The following ZBTB38 variants were observed in gnomAD, a reference collection of about 807,000 sequenced individuals.
The protein encoded by ZBTB38 is zinc finger and BTB domain containing 38.
In ZBTB38, 20 loss-of-function variants were observed where a neutral mutation model predicts 76.8. The ratio of observed to expected loss-of-function variants is 0.26; its 90% CI spans 0.18 to 0.38. The LOEUF (loss-of-function observed/expected upper bound fraction) is 0.38, where lower values mean the gene tolerates loss of function less well. ZBTB38 is among the 10% of genes least tolerant of loss of function. The pLI, the probability that ZBTB38 is intolerant of heterozygous loss-of-function variation, is 1.00. For missense variants in ZBTB38, 1,082 were observed against 1,482.3 expected (o/e 0.73, Z 4.43); for synonymous variants, 504 against 544.2 (o/e 0.93, Z 1.03).
chr3:141,399,051 TTC>T (rs1343518112), intron 4 of ZBTB38, among the ~76,000 whole-genome samples: 1 of 152,242 alleles, frequency 6.6e-6, no homozygotes, highest in African/African-American at 2.4e-5. Flanking sequence ...CTTGGTGCTG[TTC>T]TGTGTGTTTC....
chr3:141,364,338 G>T (rs953952365), upstream of ZBTB38, among the ~76,000 whole-genome samples: 1 of 151,582 alleles, frequency 6.6e-6, no homozygotes, highest in African/African-American at 2.4e-5. Flanking sequence ...TATCTGATAA[G>T]GGACTTGTGT....
intron 5 of ZBTB38, among the ~76,000 whole-genome samples, chr3:141,432,618 A>G (rs762339804): frequency 6.6e-6 from 1 of 152,224 alleles, no homozygotes; most frequent in African/African-American, 2.4e-5. Flanking sequence ...TAATAGGTGC[A>G]TTAGTTAACA....
chr3:141,414,969 C>T (rs374434752), intron 5 of ZBTB38, among the ~76,000 whole-genome samples: 47 of 152,174 alleles, frequency 3.1e-4, no homozygotes, highest in African/African-American at 1.0e-3. Flanking sequence ...CTTTCTTTCT[C>T]GGTGCTGAGT....
intron 1 of ZBTB38, among the ~76,000 whole-genome samples, chr3:141,346,154 A>G (rs538955220): frequency 6.6e-6 from 1 of 152,240 alleles, no homozygotes. Context: ...GGCTCACCTC[A>G]GAGAGTCTCC....
At chr3:141,384,102 C>T (rs1482473645) in intron 3 of ZBTB38, among the ~76,000 whole-genome samples, 1 of 152,222 alleles carries the variant, frequency 6.6e-6, no homozygotes, top group African/African-American at 2.4e-5. Context: ...TTAACCCGAG[C>T]AGGTCTGGTA....
chr3:141,423,807 TAAATG>T (rs916641040), intron 5 of ZBTB38, among the ~76,000 whole-genome samples: 12 of 152,192 alleles, frequency 7.9e-5, no homozygotes, highest in African/African-American at 2.9e-4. Context: ...AACTGAGACT[TAAATG>T]AAAAAGATTC....
At chr3:141,388,004 T>C (rs1947622456) in intron 4 of ZBTB38, 1 of 152,212 alleles carries the variant, frequency 6.6e-6, no homozygotes, top group Non-Finnish European at 1.5e-5. Flanking sequence ...CTGTAATCTT[T>C]TGGGGGAGGG....
intron 4 of ZBTB38, among the ~76,000 whole-genome samples, chr3:141,391,065 T>C (rs1451751381): frequency 6.6e-6 from 1 of 151,926 alleles, no homozygotes; most frequent in Non-Finnish European, 1.5e-5. Context: ...GAGGCTGAGG[T>C]AGGAGTATTA....
intron 5 of ZBTB38, among the ~76,000 whole-genome samples, chr3:141,436,682 G>A (rs1330156927): frequency 2.6e-5 from 4 of 152,076 alleles, no homozygotes; most frequent in African/African-American, 9.7e-5. Context: ...ATTTTTAATA[G>A]AGATAGAGTT....
At chr3:141,434,623 T>C (rs2078332960) in intron 5 of ZBTB38, among the ~76,000 whole-genome samples, 2 of 152,188 alleles carry the variant, frequency 1.3e-5, no homozygotes, top group African/African-American at 2.4e-5. Context: ...TATGTGTTTT[T>C]ATTATATAAG....
rs1420335019 is a variant in ZBTB38, at chr3:141,447,900, A to G, written c.*1924A>G. 1.3e-5 allele frequency: 2 copies of G among 152,670 alleles called. No homozygotes were observed. Among genetic ancestry groups the G allele is most frequent in the Non-Finnish European group, 2.9e-5 (2 of 68,040 alleles). 9.5% of individuals were successfully genotyped at this position (152,670 alleles called of 1,614,324 possible). A position where few individuals can be genotyped will look rare whatever the true frequency, so the allele number is the denominator to read the frequency against. On this transcript the variant is annotated 3_prime_UTR_variant, in exon 6 of 6. Transcript: ENST00000321464. ...TACTTTCACTTACATACAGTATTATATAAGTAGAGAAAAATGGGAAAATGC... is the reference window on the plus strand; with the variant it reads ...TACTTTCACTTACATACAGTATTATGTAAGTAGAGAAAAATGGGAAAATGC...
intron 4 of ZBTB38, among the ~76,000 whole-genome samples, chr3:141,398,012 G>A (rs1029113327): frequency 5.3e-5 from 8 of 152,300 alleles, no homozygotes; most frequent in East Asian, 3.9e-4. Context: ...AAAAAAAGAC[G>A]CAGTATCTAC....
At chr3:141,324,573 T>C (rs747081576) in intron 1 of ZBTB38, 2 of 152,220 alleles carry the variant, frequency 1.3e-5, no homozygotes, top group African/African-American at 2.4e-5. Context: ...GGAAAGATTT[T>C]AAATCAATAG....
chr3:141,429,890 C>T (rs904239013), intron 5 of ZBTB38, among the ~76,000 whole-genome samples: 3 of 152,078 alleles, frequency 2.0e-5, no homozygotes, highest in East Asian at 3.9e-4. Context: ...GCAAAGGCAG[C>T]GCAAGGAGTG....
intron 1 of ZBTB38, among the ~76,000 whole-genome samples, chr3:141,347,725 G>C (rs913864407): frequency 6.6e-6 from 1 of 152,242 alleles, no homozygotes; most frequent in Non-Finnish European, 1.5e-5. Context: ...GACAGTAGCA[G>C]AGGCCTGGCT....
In ZBTB38 at chr3:141,426,815, T is replaced by G. The variant is rs557735723; in HGVS notation, c.1-15574T>G. On this transcript the variant is annotated intron_variant, in intron 5 of 5. Transcript: ENST00000321464. Reference sequence around the variant, plus strand: ...TTGAAAGATTGCTCTTTTTCTTCCTTTTGGCCAAAATGGTGATAGTAAGCA... The same window carrying G: ...TTGAAAGATTGCTCTTTTTCTTCCTGTTGGCCAAAATGGTGATAGTAAGCA... Among the ~76,000 whole-genome samples, 29 of 152,292 alleles carry G rather than the reference T, an allele frequency of 1.9e-4. No individual in the cohort carries two copies. In the South Asian group the frequency reaches 5.6e-3, roughly 29 times the overall value.
intron 2 of ZBTB38, among the ~76,000 whole-genome samples, chr3:141,376,708 G>A (rs927322541): frequency 5.3e-5 from 8 of 152,294 alleles, no homozygotes; most frequent in East Asian, 1.9e-4. Context: ...AATTGCTCAC[G>A]AGACCTGGAC....
intron 5 of ZBTB38, among the ~76,000 whole-genome samples, chr3:141,416,996 G>A (rs995471459): frequency 4.6e-5 from 7 of 152,078 alleles, no homozygotes; most frequent in South Asian, 2.1e-4. Flanking sequence ...TTGTTACAGC[G>A]GCCCCAGGAA....
intron 5 of ZBTB38, among the ~76,000 whole-genome samples, chr3:141,436,225 G>T (rs972055399): frequency 1.3e-5 from 2 of 152,202 alleles, no homozygotes; most frequent in African/African-American, 4.8e-5. Flanking sequence ...CTCTTTTAAA[G>T]TCTAAATTTT....
Sources: allele counts gnomAD v4.1 joint callset (sites outside exome capture counted in the v4.1 genomes callset), GRCh38; gene constraint gnomAD v4.1.1; transcripts MANE v1.5; gene names NCBI Gene and HGNC (gene_info 2026-07-23, HGNC 2026-07-21).